PUS7L: variants seen among roughly 807,000 people sequenced by gnomAD.
The protein encoded by PUS7L is pseudouridine synthase 7 like.
Under a neutral mutation model 51.1 loss-of-function variants are expected in PUS7L, and 49 were observed. That is an observed-to-expected ratio of 0.96 (90% CI 0.76 to 1.22). The LOEUF (loss-of-function observed/expected upper bound fraction) is 1.22, where lower values mean the gene tolerates loss of function less well. PUS7L is among the 50% of genes most tolerant of loss of function. The probability of loss-of-function intolerance (pLI) is 0.00; values close to 1 mark genes in which losing one functional copy is unlikely to be tolerated. For synonymous variants in PUS7L, 277 were observed against 276.2 expected (o/e 1.00, Z -0.03); for missense variants, 828 against 820.6 (o/e 1.01, Z -0.11).
rs749256220 is a variant in PUS7L at position 43,738,291 on chromosome 12, G to C, written c.1444+19C>G. 8 of 1,287,594 alleles carry C rather than the reference G, an allele frequency of 6.2e-6. No homozygotes were observed. Among genetic ancestry groups the C allele is most frequent in the Non-Finnish European group, 7.9e-6 (7 of 882,886 alleles). 79.8% of individuals were successfully genotyped at this position (1,287,594 alleles called of 1,614,324 possible). On this transcript the variant is annotated intron_variant, in intron 6 of 8. Transcript: ENST00000344862. ...TCTGTATCTGCATGGTTATGTACAG[G>C]ATAAAGAAACGTAAATACCAGTTTG...
At chr12:43,756,387 G>A (rs78590793) in intron 1 of PUS7L, among the ~76,000 whole-genome samples, 2,086 of 152,254 alleles carry the variant, frequency 0.014, 45 homozygotes, top group African/African-American at 0.047. Flanking sequence ...CCTGGAGGCT[G>A]TAAATATTGG....
intron 2 of PUS7L, among the ~76,000 whole-genome samples, chr12:43,752,332 G>A (rs1169823368): frequency 6.6e-6 from 1 of 152,210 alleles, no homozygotes; most frequent in Non-Finnish European, 1.5e-5. Context: ...TCCCCAGAGT[G>A]AGCAATCCAA....
intron 7 of PUS7L, among the ~76,000 whole-genome samples, chr12:43,732,888 AAG>A (rs1429159094): frequency 1.3e-5 from 2 of 152,236 alleles, no homozygotes; most frequent in Non-Finnish European, 2.9e-5. Flanking sequence ...ATCAAAATAC[AAG>A]AGACAGACTA....
chr12:43,722,094 C>T lies in PUS7L; in HGVS notation c.*8282G>A, dbSNP rs1454088843. 1 of 152,064 alleles carries T rather than the reference C, an allele frequency of 6.6e-6. No individual in the cohort carries two copies. Among genetic ancestry groups the T allele is most frequent in the Non-Finnish European group, 1.5e-5 (1 of 67,986 alleles). 9.4% of individuals were successfully genotyped at this position (152,064 alleles called of 1,614,324 possible). The stretch of plus-strand genomic sequence containing the variant: ...ATCCAAACATATCTGAAATCTGAAA[C>T]TTTTAGTCCCAAACATTTTAGATAA... On this transcript the variant is annotated 3_prime_UTR_variant, in exon 9 of 9. Transcript: ENST00000344862.
Position 43,736,426 on chromosome 12 carries a change from G to T in PUS7L, c.1680C>A (p.Val560=), listed in dbSNP as rs2137680385. The T allele has an allele frequency of 6.2e-7, 1 of 1,614,128 alleles. No individual in the cohort carries two copies. The part of the protein sequence containing the change: ...YGARVVQGDL[V]CLDEDIDDEN... ...CGTCATCAATGTCTTCATCCAAACAGACCAAATCACCCTGCACTACTCTTG... is the reference window on the plus strand; with the variant it reads ...CGTCATCAATGTCTTCATCCAAACATACCAAATCACCCTGCACTACTCTTG... Residue 560 remains valine, a synonymous_variant, in exon 7 of 9, where the codon GTC becomes GTA. Transcript: ENST00000344862.
At chr12:43,732,332 A>G (rs1289563195) in intron 7 of PUS7L, among the ~76,000 whole-genome samples, 1 of 152,072 alleles carries the variant, frequency 6.6e-6, no homozygotes, top group Non-Finnish European at 1.5e-5. Context: ...CTGTAGTGCT[A>G]GCTACATAGG....
Position 43,736,520 on chromosome 12 carries a change from A to C in PUS7L, c.1586T>G (p.Phe529Cys), listed in dbSNP as rs750059638. Residue 529 changes from phenylalanine (F) to cysteine (C), a missense_variant, in exon 7 of 9, where the codon TTC (phenylalanine) becomes TGC (cysteine). Physicochemically the swap from Phe to Cys is radical, Grantham distance 205. Coordinates refer to ENST00000344862, the MANE Select transcript of PUS7L (RefSeq NM_031292.5). ...TTTGCTGGTATATGCGTGAACATAG[A>C]ATATGCGCATGGAATGGGGTAAAGA... ...WFSLPHSMRI[F>C]YVHAYTSKIW... 2 of 1,614,232 alleles carry C rather than the reference A, an allele frequency of 1.2e-6. No individual in the cohort carries two copies. Among genetic ancestry groups the C allele is most frequent in the South Asian group, 1.1e-5 (1 of 91,084 alleles).
chr12:43,749,226 C>A (rs1401023433), intron 2 of PUS7L, among the ~76,000 whole-genome samples: 1 of 152,208 alleles, frequency 6.6e-6, no homozygotes, highest in African/African-American at 2.4e-5. Flanking sequence ...CCACAGAGAA[C>A]TTCTTGTAAT....
In PUS7L at chr12:43,746,238, C is replaced by A. The variant is rs763318134; in HGVS notation, c.1071G>T (p.Arg357Ser). 4 of 1,210,454 alleles carry A rather than the reference C, an allele frequency of 3.3e-6. No homozygotes were observed. Among genetic ancestry groups the A allele is most frequent in the African/African-American group, 1.6e-5 (1 of 63,770 alleles). The allele number at this position is 1,210,454 out of a possible 1,614,324, so 75.0% of individuals were successfully genotyped here. A position where few individuals can be genotyped will look rare whatever the true frequency, so the allele number is the denominator to read the frequency against. ...CAATTTCTTTTTCAATATTTTTCAA[C>A]CTGTAAGTAATAAATCATATAAACT... is the stretch of plus-strand genomic sequence containing the variant. ...AMVVRKVTPE[R>S]LKNIEKEIEK... Residue 357 changes from arginine to serine, a missense_variant and splice_region_variant, in exon 4 of 9, where the codon AGG becomes AGT. By Grantham distance (110) the Arg-to-Ser change is moderately radical. Coordinates refer to ENST00000344862, the MANE Select transcript of PUS7L (RefSeq NM_031292.5).
At chr12:43,747,022 T>G (rs1333637461) in intron 3 of PUS7L, among the ~76,000 whole-genome samples, 6 of 152,200 alleles carry the variant, frequency 3.9e-5, no homozygotes, top group African/African-American at 9.6e-5. Context: ...ATCAAACACC[T>G]TTTTTGTCCC....
chr12:43,746,202 T>C lies in PUS7L; in HGVS notation c.1107A>G (p.Arg369=), dbSNP rs1337301005. ...KNIEKEIEKK[R]MNVFNIRSVD... ...CAGACCGAATATTAAAGACATTCATTCTTTTCTTTTCAATTTCTTTTTCAA... is the reference window on the plus strand; with the variant it reads ...CAGACCGAATATTAAAGACATTCATCCTTTTCTTTTCAATTTCTTTTTCAA... Residue 369 remains arginine, a synonymous_variant, in exon 4 of 9, where the codon AGA becomes AGG. Transcript: ENST00000344862. 8 of 1,460,378 alleles carry C rather than the reference T, an allele frequency of 5.5e-6. No individual in the cohort carries two copies. The highest frequency in any genetic ancestry group is 7.5e-6 in the Non-Finnish European group (8 of 1,068,550). 90.5% of individuals were successfully genotyped at this position (1,460,378 alleles called of 1,614,324 possible).
At chr12:43,742,607 G>A (rs750331599) in intron 4 of PUS7L, 52 bp from the exon 5 acceptor site, 1 of 1,480,390 alleles carries the variant, frequency 6.8e-7, no homozygotes, top group South Asian at 1.3e-5. Context: ...ACAATTATGT[G>A]TCAAAATACA....
intron 6 of PUS7L, 140 bp from the exon 7 acceptor site, chr12:43,736,801 C>T: frequency 3.0e-6 from 2 of 655,786 alleles, no homozygotes; most frequent in African/African-American, 1.8e-5. Flanking sequence ...AACCTAGCTA[C>T]ACTTGAAGAG....
In PUS7L at chr12:43,723,986, T is replaced by C. The variant is rs1343864805; in HGVS notation, c.*6390A>G. On this transcript the variant is annotated 3_prime_UTR_variant, in exon 9 of 9. Coordinates refer to ENST00000344862, the MANE Select transcript of PUS7L (RefSeq NM_031292.5). ...TCCCTCTTTGATCTTTATGCAATCTTCAGTGTTTTTAACCGCAAAATAATA... is the reference window on the plus strand; with the variant it reads ...TCCCTCTTTGATCTTTATGCAATCTCCAGTGTTTTTAACCGCAAAATAATA... 3 of 152,082 alleles carry C rather than the reference T, an allele frequency of 2.0e-5. No homozygotes were observed. Among genetic ancestry groups the C allele is most frequent in the Non-Finnish European group, 4.4e-5 (3 of 67,950 alleles). The allele number at this position is 152,082 out of a possible 1,614,324, so 9.4% of individuals were successfully genotyped here. A position where few individuals can be genotyped will look rare whatever the true frequency, so the allele number is the denominator to read the frequency against.
At chr12:43,732,911 T>C (rs141648234) in intron 7 of PUS7L, among the ~76,000 whole-genome samples, 6 of 152,360 alleles carry the variant, frequency 3.9e-5, no homozygotes, top group African/African-American at 1.4e-4. Flanking sequence ...CATGGAATTA[T>C]GATCTCTCTT....
chr12:43,746,074 C>A lies in PUS7L; in HGVS notation c.1235G>T (p.Arg412Ile), dbSNP rs777009297. The change falls in exon 4 of 9, where the codon AGA (arginine) becomes ATA (isoleucine). Residue 412 changes from arginine to isoleucine, a missense_variant. Arg to Ile is a moderately conservative substitution (Grantham distance 97, BLOSUM62 -3). Transcript: ENST00000344862. ...AACATTTTCTATTGCTTCCATAATT[C>A]TCTCCCTCAGGTTTGCAGAATCATT... The part of the protein sequence containing the change: ...QINDSANLRE[R>I]IMEAIENVKK... The A allele has an allele frequency of 1.3e-6, 2 of 1,511,236 alleles. No individual in the cohort carries two copies. Among genetic ancestry groups the A allele is most frequent in the Non-Finnish European group, 1.8e-6 (2 of 1,100,988 alleles). The allele number at this position is 1,511,236 out of a possible 1,614,324, so 93.6% of individuals were successfully genotyped here.
rs200464831 is a variant in PUS7L at position 43,736,526 on chromosome 12, C to T, written c.1580G>A (p.Arg527His). Reference sequence around the variant, plus strand: ...GGTATATGCGTGAACATAGAATATGCGCATGGAATGGGGTAAAGAGAACCA... The same window carrying T: ...GGTATATGCGTGAACATAGAATATGTGCATGGAATGGGGTAAAGAGAACCA... Reference protein sequence around the residue: ...QAWFSLPHSMRIFYVHAYTSK... With the variant: ...QAWFSLPHSMHIFYVHAYTSK... Residue 527 changes from arginine (R) to histidine (H), a missense_variant, in exon 7 of 9, where the codon CGC becomes CAC. Arg to His is a conservative substitution (Grantham distance 29). Transcript: ENST00000344862. 5.3e-5 allele frequency: 86 copies of T among 1,614,030 alleles called. No homozygotes were observed. Among genetic ancestry groups the T allele is most frequent in the Middle Eastern group, 1.6e-4 (1 of 6,084 alleles).
chr12:43,745,850 T>C (rs11182245), intron 4 of PUS7L, among the ~76,000 whole-genome samples, 196 bp downstream of exon 4: 2,187 of 152,220 alleles, frequency 0.014, 55 homozygotes, highest in African/African-American at 0.049. Context: ...TTGTTTTGTT[T>C]AAATACAAAA....
At chr12:43,755,835 A>T (rs1339533471) in intron 1 of PUS7L, among the ~76,000 whole-genome samples, 2 of 152,220 alleles carry the variant, frequency 1.3e-5, no homozygotes, top group Non-Finnish European at 2.9e-5. Context: ...TAATGCCCCC[A>T]TTAGGACAAA....
Sources: gnomAD v4.1 joint callset for allele counts (sites outside exome capture counted in the v4.1 genomes callset) on GRCh38, gnomAD v4.1.1 for gene constraint, MANE v1.5 for transcripts, NCBI Gene and HGNC (gene_info 2026-07-23, HGNC 2026-07-21) for gene names.